The following SERPINB10 variants were observed in gnomAD, a reference collection of about 807,000 sequenced individuals.
SERPINB10 encodes the protein serpin family B member 10, also known as serpin B10.
A neutral mutation model predicts 39.1 loss-of-function variants in SERPINB10; 35 were observed. That is an observed-to-expected ratio of 0.90 (90% confidence interval 0.68 to 1.19). The LOEUF is 1.19. Among genes scored for constraint, SERPINB10 ranks in the 50% most tolerant of loss-of-function variants. The pLI, the probability that SERPINB10 is intolerant of heterozygous loss-of-function variation, is 0.00. For synonymous variants in SERPINB10, 190 were observed against 158.1 expected (o/e 1.20, Z -1.52); for missense variants, 546 against 460.5 (o/e 1.19, Z -1.70).
At chr18:63,934,105 G>A (rs957657773) in intron 7 of SERPINB10, among the ~76,000 whole-genome samples, 8 of 152,124 alleles carry the variant, frequency 5.3e-5, no homozygotes, top group Non-Finnish European at 1.5e-5. Context: ...GTGGTTTACA[G>A]GTATGCCATT....
intron 1 of SERPINB10, among the ~76,000 whole-genome samples, chr18:63,912,490 T>C (rs2050072028): frequency 6.6e-6 from 1 of 152,074 alleles, no homozygotes; most frequent in South Asian, 2.1e-4. Context: ...GTTTTTATCA[T>C]GAATGGATAT....
At chr18:63,930,747 T>C (rs1270540201) in intron 6 of SERPINB10, among the ~76,000 whole-genome samples, 1 of 152,188 alleles carries the variant, frequency 6.6e-6, no homozygotes, top group Admixed American at 6.5e-5. Context: ...GTTTCTACCA[T>C]CATTCTTCTC....
intron 1 of SERPINB10, among the ~76,000 whole-genome samples, chr18:63,909,173 C>T (rs2050046551): frequency 6.6e-6 from 1 of 152,004 alleles, no homozygotes; most frequent in African/African-American, 2.4e-5. Context: ...TTCTCTTTGG[C>T]TTCTCCTCTG....
intron 2 of SERPINB10, 54 bp from the exon 3 acceptor site, chr18:63,917,402 T>G (rs1235616807): frequency 1.9e-6 from 2 of 1,045,358 alleles, no homozygotes; most frequent in Non-Finnish European, 2.8e-6. Flanking sequence ...GATGTATGAT[T>G]TATATAATTA....
chr18:63,929,129 T>C (rs1391437158), intron 5 of SERPINB10, among the ~76,000 whole-genome samples: 1 of 152,006 alleles, frequency 6.6e-6, no homozygotes, highest in Non-Finnish European at 1.5e-5. Flanking sequence ...CAGCTACAAA[T>C]ACGAAATGCC....
chr18:63,909,819 C>T (rs1303043711), intron 1 of SERPINB10, among the ~76,000 whole-genome samples: 1 of 151,928 alleles, frequency 6.6e-6, no homozygotes, highest in African/African-American at 2.4e-5. Flanking sequence ...GAGTAAGAGC[C>T]TTAAAGGAAA....
intron 2 of SERPINB10, among the ~76,000 whole-genome samples, chr18:63,916,300 A>G (rs1209387954): frequency 6.6e-6 from 1 of 151,618 alleles, no homozygotes; most frequent in Non-Finnish European, 1.5e-5. Flanking sequence ...ATATATATGA[A>G]TACATATATA....
Position 63,919,758 on chromosome 18 carries a change from C to A in SERPINB10, c.373-30C>A, listed in dbSNP as rs778596293. On this transcript the variant is annotated intron_variant, in intron 4 of 7. Coordinates refer to ENST00000238508, the MANE Select transcript of SERPINB10 (RefSeq NM_005024.3). ...ATTTCTCAATTTTGAACAAACTCTA[C>A]AAAAGGGGATTTTTATCTATGTCTT... The A allele has an allele frequency of 2.7e-6, 4 of 1,458,438 alleles. No homozygotes were observed. In the African/African-American group the frequency reaches 4.5e-5, roughly 16 times the overall value. 90.3% of individuals were successfully genotyped at this position (1,458,438 alleles called of 1,614,324 possible). A position where few individuals can be genotyped will look rare whatever the true frequency, so the allele number is the denominator to read the frequency against.
intron 1 of SERPINB10, among the ~76,000 whole-genome samples, chr18:63,909,690 T>C (rs2050050078): frequency 6.6e-6 from 1 of 152,056 alleles, no homozygotes; most frequent in African/African-American, 2.4e-5. Flanking sequence ...TTCTCCCCAT[T>C]TCATGAAGAG....
intron 5 of SERPINB10, among the ~76,000 whole-genome samples, chr18:63,920,650 C>A (rs1358061170): frequency 6.6e-6 from 1 of 152,014 alleles, no homozygotes; most frequent in East Asian, 1.9e-4. Flanking sequence ...TTCCACTCAT[C>A]TCCCACTGGT....
Position 63,929,232 on chromosome 18 carries a change from G to A in SERPINB10, c.491-813G>A, listed in dbSNP as rs187331049. ...TCCATCATTTTAGCCAGTAAATTTT[G>A]AAGGAAAATAAAGGTTCATATGAAT... On this transcript the variant is annotated intron_variant, in intron 5 of 7. Coordinates refer to ENST00000238508, the MANE Select transcript of SERPINB10 (RefSeq NM_005024.3). 2.1e-3 allele frequency among the ~76,000 whole-genome samples: 324 copies of A among 152,136 alleles called. 1 individual carries two copies. The highest frequency in any genetic ancestry group is 3.8e-3 in the Non-Finnish European group (258 of 67,982).
intron 5 of SERPINB10, among the ~76,000 whole-genome samples, chr18:63,929,011 C>T (rs1257619342): frequency 2.0e-5 from 3 of 152,180 alleles, no homozygotes; most frequent in African/African-American, 7.2e-5. Context: ...GCTAAACCTG[C>T]TTTTGTGACA....
chr18:63,934,946 T>C lies in SERPINB10; in HGVS notation c.898T>C (p.Tyr300His). The C allele has an allele frequency of 6.2e-7, 1 of 1,614,228 alleles. No homozygotes were observed. The highest frequency in any genetic ancestry group is 1.3e-5 in the African/African-American group (1 of 75,060). ...HLPKFKLEDS[Y>H]DLKSTLSSMG... ...TCCCAAGTTCAAGCTGGAAGACAGTTATGATCTCAAGTCAACCCTGAGCAG... is the reference window on the plus strand; with the variant it reads ...TCCCAAGTTCAAGCTGGAAGACAGTCATGATCTCAAGTCAACCCTGAGCAG... The change falls in exon 8 of 8, where the codon TAT becomes CAT. Residue 300 changes from tyrosine (Y) to histidine (H), a missense_variant. By Grantham distance (83) the Tyr-to-His change is moderately conservative. Coordinates refer to ENST00000238508, the MANE Select transcript of SERPINB10 (RefSeq NM_005024.3).
Position 63,919,796 on chromosome 18 carries a change from A to C in SERPINB10, c.381A>C (p.Leu127Phe). The C allele has an allele frequency of 1.3e-6, 2 of 1,587,874 alleles. No homozygotes were observed. Among genetic ancestry groups the C allele is most frequent in the East Asian group, 4.5e-5 (2 of 44,422 alleles). ...TTATCTATGTCTTTCAGAAATATTT[A>C]GAAGACATGAAAACATATTTTGGTG... ...EKTYAFHNKYLEDMKTYFGAE... is the reference protein window; with the variant it reads ...EKTYAFHNKYFEDMKTYFGAE... Residue 127 changes from leucine to phenylalanine, a missense_variant, in exon 5 of 8, where the codon TTA (leucine) becomes TTC (phenylalanine). Physicochemically the swap from Leu to Phe is conservative, Grantham distance 22. Transcript: ENST00000238508.
chr18:63,920,804 C>G (rs961712647), intron 5 of SERPINB10, among the ~76,000 whole-genome samples: 1 of 151,952 alleles, frequency 6.6e-6, no homozygotes, highest in African/African-American at 2.4e-5. Flanking sequence ...AGTCACCATA[C>G]TTGCTAGAAG....
chr18:63,916,255 CATAG>C (rs770563439), intron 2 of SERPINB10, among the ~76,000 whole-genome samples: 1 of 149,814 alleles, frequency 6.7e-6, no homozygotes, highest in African/African-American at 2.5e-5. Context: ...TATATGTAGT[CATAG>C]ATAGCAAAAT....
chr18:63,909,685 C>T (rs774903043), intron 1 of SERPINB10, among the ~76,000 whole-genome samples: 3 of 151,972 alleles, frequency 2.0e-5, no homozygotes, highest in Non-Finnish European at 4.4e-5. Context: ...GTACTTTCTC[C>T]CCATTTCATG....
At chr18:63,929,712 CAAAAAA>C (rs74169990) in intron 5 of SERPINB10, among the ~76,000 whole-genome samples, 7 of 97,348 alleles carry the variant, frequency 7.2e-5, no homozygotes, top group Non-Finnish European at 1.7e-4. Flanking sequence ...AGCTAAAGTG[CAAAAAA>C]AAAAAAAAAA....
chr18:63,929,070 T>C (rs2050200765), intron 5 of SERPINB10, among the ~76,000 whole-genome samples: 1 of 152,170 alleles, frequency 6.6e-6, no homozygotes, highest in African/African-American at 2.4e-5. Flanking sequence ...TGAACCATAG[T>C]ATCTCTTGGA....
Sources: allele counts gnomAD v4.1 joint callset (sites outside exome capture counted in the v4.1 genomes callset), GRCh38; gene constraint gnomAD v4.1.1; transcripts MANE v1.5; gene names NCBI Gene and HGNC (gene_info 2026-07-23, HGNC 2026-07-21).